Variants in SIMC1 observed in about 807,000 individuals in gnomAD.
SIMC1 encodes the protein SUMO interacting motifs containing 1, also known as SUMO-interacting motif-containing protein 1.
In SIMC1, 55 loss-of-function variants were observed where a neutral mutation model predicts 82.3. The observed-to-expected ratio is 0.67, with a 90% CI of 0.54 to 0.84. SIMC1 has a LOEUF of 0.84. Among genes scored for constraint, SIMC1 ranks in the 40% least tolerant of loss-of-function variants. The probability of loss-of-function intolerance (pLI) is 0.00; values close to 1 mark genes in which losing one functional copy is unlikely to be tolerated. For synonymous variants in SIMC1, 353 were observed against 426.3 expected (o/e 0.83, Z 2.12); for missense variants, 915 against 1,107.2 (o/e 0.83, Z 2.46).
At chr5:176,293,654 G>A (rs1341133716) in intron 2 of SIMC1, among the ~76,000 whole-genome samples, 2 of 151,860 alleles carry the variant, frequency 1.3e-5, no homozygotes, top group Non-Finnish European at 2.9e-5. Flanking sequence ...AGGCTGAGGT[G>A]GGAGGATGGC....
intron 2 of SIMC1, among the ~76,000 whole-genome samples, chr5:176,291,879 T>C (rs1763591548): frequency 6.6e-6 from 1 of 152,172 alleles, no homozygotes; most frequent in Non-Finnish European, 1.5e-5. Flanking sequence ...GTCAGGCTCA[T>C]CGTAGGCCTT....
chr5:176,295,201 A>C lies in SIMC1; in HGVS notation c.1603A>C (p.Ser535Arg). ...VAHIIQKILL[S>R]GSETVDVLKE... ...TCACATCATCCAGAAAATCTTGCTC[A>C]GTGGCTCTGAGACTGTGGATGTCCT... is the stretch of plus-strand genomic sequence containing the variant. The change falls in exon 3 of 10, where the codon AGT (serine) becomes CGT (arginine). Residue 535 changes from serine (S) to arginine (R), a missense_variant. Coordinates refer to ENST00000429602, the MANE Select transcript of SIMC1 (RefSeq NM_001308195.2). 1 of 1,613,504 alleles carries C rather than the reference A, an allele frequency of 6.2e-7. No individual in the cohort carries two copies. Among genetic ancestry groups the C allele is most frequent in the Non-Finnish European group, 8.5e-7 (1 of 1,179,656 alleles).
intron 1 of SIMC1, among the ~76,000 whole-genome samples, chr5:176,276,866 G>A (rs1172811511): frequency 6.7e-6 from 1 of 148,348 alleles, no homozygotes; most frequent in Non-Finnish European, 1.5e-5. Flanking sequence ...ATTTGGGTTG[G>A]TTCCAAGTCT....
chr5:176,313,757 C>T lies in SIMC1; in HGVS notation c.1801C>T (p.Gln601Ter), dbSNP rs1283188283. ...YVVQTLEDDFQQTLRRQRQHL... is the reference protein window; with the variant it reads ...YVVQTLEDDF Reference sequence around the variant, plus strand: ...CGTTCAGACCCTAGAAGATGACTTTCAGCAGACCCTGAGGAGGCAACGGCA... The same window carrying T: ...CGTTCAGACCCTAGAAGATGACTTTTAGCAGACCCTGAGGAGGCAACGGCA... The change falls in exon 5 of 10, where the codon CAG (glutamine) becomes TAG (stop). Residue 601 changes from glutamine (Q) to a stop codon, truncating the protein, a stop_gained. Transcript: ENST00000429602. LOFTEE classifies it high-confidence loss of function. 6.2e-7 allele frequency: 1 copy of T among 1,613,884 alleles called. No homozygotes were observed.
At chr5:176,268,727 T>C (rs1228323503) in intron 1 of SIMC1, among the ~76,000 whole-genome samples, 4 of 152,216 alleles carry the variant, frequency 2.6e-5, no homozygotes, top group Non-Finnish European at 5.9e-5. Context: ...CAACCGTAGT[T>C]GGACACTTTT....
At chr5:176,335,611 G>T (rs1765858648) in intron 7 of SIMC1, among the ~76,000 whole-genome samples, 2 of 118,554 alleles carry the variant, frequency 1.7e-5, no homozygotes, top group African/African-American at 2.8e-5. Context: ...ATTGCTCTAG[G>T]TAATTCTACG....
At chr5:176,285,668 T>C (rs1331551703) in intron 1 of SIMC1, among the ~76,000 whole-genome samples, 1 of 151,816 alleles carries the variant, frequency 6.6e-6, no homozygotes, top group African/African-American at 2.4e-5. Flanking sequence ...AAATAAAGGG[T>C]ATTCAATTAG....
chr5:176,301,283 G>A (rs536739868), intron 4 of SIMC1, among the ~76,000 whole-genome samples: 50 of 152,134 alleles, frequency 3.3e-4, no homozygotes, highest in African/African-American at 1.2e-3. Flanking sequence ...TTATAAAGGG[G>A]AGTTCCCCTA....
chr5:176,344,198 C>T (rs1766289978), intron 9 of SIMC1, among the ~76,000 whole-genome samples: 1 of 152,150 alleles, frequency 6.6e-6, no homozygotes, highest in Admixed American at 6.5e-5. Context: ...AAATATGAAG[C>T]ACTGTACTTG....
intron 6 of SIMC1, 110 bp downstream of exon 6, chr5:176,322,535 A>G: frequency 7.9e-7 from 1 of 1,269,816 alleles, no homozygotes. Context: ...ATCTTAGAAC[A>G]TAGGCTGATG....
chr5:176,294,456 T>C (rs908051016), intron 2 of SIMC1, among the ~76,000 whole-genome samples: 1 of 152,096 alleles, frequency 6.6e-6, no homozygotes, highest in African/African-American at 2.4e-5. Context: ...TTTTTATATT[T>C]TTAGTAGAGA....
chr5:176,320,132 G>C (rs1000301768), intron 5 of SIMC1, among the ~76,000 whole-genome samples: 2 of 152,140 alleles, frequency 1.3e-5, no homozygotes, highest in African/African-American at 4.8e-5. Context: ...CGTGTGAGAA[G>C]ATAGCAAGGG....
At chr5:176,251,896 G>A (rs1237313877) in intron 1 of SIMC1, among the ~76,000 whole-genome samples, 2 of 149,770 alleles carry the variant, frequency 1.3e-5, no homozygotes, top group Non-Finnish European at 3.0e-5. Flanking sequence ...ACAGGGTTGG[G>A]GGTAAGGTCA....
intron 1 of SIMC1, among the ~76,000 whole-genome samples, chr5:176,246,405 G>GGGGT (rs1554104442): frequency 4.3e-5 from 6 of 137,984 alleles, no homozygotes; most frequent in African/African-American, 1.7e-4. Context: ...TAATAGTTCA[G>GGGGT]GGGTGTGTGT....
At chr5:176,329,979 C>T (rs1056914696) in intron 7 of SIMC1, among the ~76,000 whole-genome samples, 3 of 152,080 alleles carry the variant, frequency 2.0e-5, no homozygotes, top group East Asian at 3.8e-4. Context: ...TATACACATA[C>T]GTCTGTGTGT....
In SIMC1 at chr5:176,290,596, C is replaced by T. The variant is rs755277378; in HGVS notation, c.1072C>T (p.His358Tyr). ...DMPHSSGDVTHSPRDIPHLPG... is the reference protein window; with the variant it reads ...DMPHSSGDVTYSPRDIPHLPG... ...GCCACACTCATCAGGGGACGTGACACACTCACCTAGAGACATCCCTCACTT... is the reference window on the plus strand; with the variant it reads ...GCCACACTCATCAGGGGACGTGACATACTCACCTAGAGACATCCCTCACTT... Residue 358 changes from histidine to tyrosine, a missense_variant, in exon 2 of 10, where the codon CAC becomes TAC. Around this residue, in one of 2 missense-constraint regions of SIMC1, gnomAD observed 902 missense variants for 1,040.3 expected, o/e 0.87. Coordinates refer to ENST00000429602, the MANE Select transcript of SIMC1 (RefSeq NM_001308195.2). The T allele has an allele frequency of 6.2e-6, 10 of 1,613,980 alleles. No homozygotes were observed. The highest frequency in any genetic ancestry group is 7.6e-6 in the Non-Finnish European group (9 of 1,179,886).
Position 176,322,365 on chromosome 5 carries a change from T to G in SIMC1, c.1982T>G (p.Leu661Trp). ...GNQTSSGTGI[L>W]KASSSHPSSQ... ...CAAACGTCTTCAGGAACAGGAATCT[T>G]GAAAGCCAGCAGTAGCCACCCTTCT... The change falls in exon 6 of 10, where the codon TTG becomes TGG. Residue 661 changes from leucine to tryptophan, a missense_variant. Physicochemically the swap from Leu to Trp is moderately conservative, Grantham distance 61. Around this residue, in one of 2 missense-constraint regions of SIMC1, gnomAD observed 902 missense variants for 1,040.3 expected, o/e 0.87. Coordinates refer to ENST00000429602, the MANE Select transcript of SIMC1 (RefSeq NM_001308195.2). The G allele has an allele frequency of 6.2e-7, 1 of 1,606,228 alleles. No homozygotes were observed. Among genetic ancestry groups the G allele is most frequent in the Middle Eastern group, 1.7e-4 (1 of 6,056 alleles).
At chr5:176,260,234 C>T (rs565947221) in intron 1 of SIMC1, among the ~76,000 whole-genome samples, 354 of 152,086 alleles carry the variant, frequency 2.3e-3, no homozygotes, top group African/African-American at 8.0e-3. Context: ...AACCAAACAT[C>T]GTATGTTCTC....
At position 176,277,675 on chromosome 5, in the gene SIMC1, G is replaced by A. The variant is rs71599484; in HGVS notation, c.130-11979G>A. On this transcript the variant is annotated intron_variant, in intron 1 of 9. Transcript: ENST00000429602. ...TTCAGCTTTCTACATATGGCTAGCC[G>A]GTTTTCCCAGCACCATTTATTAACT... is the stretch of plus-strand genomic sequence containing the variant. Among the ~76,000 whole-genome samples, 1,322 of 151,936 alleles carry A rather than the reference G, an allele frequency of 8.7e-3. 31 individuals carry two copies. Among genetic ancestry groups the A allele is most frequent in the African/African-American group, 0.026 (1,088 of 41,354 alleles).
Sources: allele counts gnomAD v4.1 joint callset (sites outside exome capture counted in the v4.1 genomes callset), GRCh38; gene constraint gnomAD v4.1.1; regional missense constraint gnomAD v4.1.1; transcripts MANE v1.5; gene names NCBI Gene and HGNC (gene_info 2026-07-23, HGNC 2026-07-21).